The following EPHA2 variants were observed in gnomAD, a reference collection of about 807,000 sequenced individuals.
The protein encoded by EPHA2 is EPH receptor A2.
EPHA2 carries 54 observed loss-of-function variants against 104.9 expected under a neutral mutation model. That is an observed-to-expected ratio of 0.51 (90% CI 0.41 to 0.65). EPHA2 has a LOEUF of 0.65. EPHA2 is among the 30% of genes least tolerant of loss of function. The pLI, the probability that EPHA2 is intolerant of heterozygous loss-of-function variation, is 0.00. For synonymous variants in EPHA2, 560 were observed against 559.1 expected (o/e 1.00, Z -0.02); for missense variants, 1,117 against 1,369.5 (o/e 0.82, Z 2.91).
Position 16,150,897 on chromosome 1 carries a change from C to G in EPHA2, c.152G>C (p.Gly51Ala). Residue 51 changes from glycine to alanine, a missense_variant and splice_region_variant, in exon 2 of 17, where the codon GGG becomes GCG. By Grantham distance (60) the Gly-to-Ala change is moderately conservative (BLOSUM62 0). Around this residue, in one of 3 missense-constraint regions of EPHA2, gnomAD observed 664 missense variants for 784.8 expected, o/e 0.85. Transcript: ENST00000358432. This position sits in a 1 kb window ranked among gnomAD's most constrained non-coding sequence, Gnocchi z 4.8. ...LGWLTHPYGKGWDLMQNIMND... is the reference protein window; with the variant it reads ...LGWLTHPYGKAWDLMQNIMND... ...TCCCCACCCCGAAGGCTTACATACC[C>G]CTTTGCCATACGGGTGTGTGAGCCA... 1 of 1,614,146 alleles carries G rather than the reference C, an allele frequency of 6.2e-7. No individual in the cohort carries two copies.
intron 3 of EPHA2, among the ~76,000 whole-genome samples, chr1:16,141,394 G>A (rs2024822055): frequency 1.3e-5 from 2 of 152,222 alleles, no homozygotes; most frequent in South Asian, 4.1e-4. Context: ...ATATCTGCAT[G>A]ATACAAAAAT....
Position 16,125,089 on chromosome 1 carries a change from A to T in EPHA2, c.*126T>A. ...GGTGTCATCCGAGACCCCTCAGCGG[A>T]AGTTGCAGGGGGAGGAAAGAACTAG... On this transcript the variant is annotated 3_prime_UTR_variant, in exon 17 of 17. Transcript: ENST00000358432. This position sits in a 1 kb window ranked among gnomAD's most constrained non-coding sequence, Gnocchi z 4.9. The T allele has an allele frequency of 1.1e-6, 1 of 874,250 alleles. No individual in the cohort carries two copies. Among genetic ancestry groups the T allele is most frequent in the Non-Finnish European group, 1.9e-6 (1 of 533,138 alleles). The allele number at this position is 874,250 out of a possible 1,614,324, so 54.2% of individuals were successfully genotyped here.
chr1:16,126,284 G>A (rs1306567625), intron 16 of EPHA2, among the ~76,000 whole-genome samples: 1 of 152,182 alleles, frequency 6.6e-6, no homozygotes, highest in Non-Finnish European at 1.5e-5. Flanking sequence ...CTCACTTTGG[G>A]AGTTTTCTCC....
chr1:16,137,792 T>C, intron 5 of EPHA2, 61 bp downstream of exon 5: 1 of 1,601,934 alleles, frequency 6.2e-7, no homozygotes, highest in Middle Eastern at 1.7e-4. Flanking sequence ...CAGATGGCCG[T>C]CCTCCTTAAG....
chr1:16,139,169 C>T (rs966879569), intron 3 of EPHA2, among the ~76,000 whole-genome samples: 1 of 152,100 alleles, frequency 6.6e-6, no homozygotes, highest in Non-Finnish European at 1.5e-5. Flanking sequence ...AGGCACCTGA[C>T]TCCGGGGGCT....
chr1:16,133,414 T>C (rs374594757), intron 10 of EPHA2, 46 bp from the exon 11 acceptor site: 33 of 1,613,830 alleles, frequency 2.0e-5, no homozygotes, highest in Admixed American at 8.3e-5. Flanking sequence ...AGCCCCGGCA[T>C]GAGGGCTCCC....
chr1:16,136,300 C>T (rs942154257), intron 5 of EPHA2, among the ~76,000 whole-genome samples: 1 of 72,848 alleles, frequency 1.4e-5, no homozygotes. Context: ...TTTACGAGTG[C>T]ATAAATAATA....
chr1:16,155,587 G>C, intron 1 of EPHA2: 1 of 387,240 alleles, frequency 2.6e-6, no homozygotes, highest in Non-Finnish European at 4.6e-6. Flanking sequence ...GACTGCAACC[G>C]CGTGGCCTGC....
intron 3 of EPHA2, among the ~76,000 whole-genome samples, chr1:16,147,339 C>T (rs2024952138): frequency 6.6e-6 from 1 of 152,100 alleles, no homozygotes; most frequent in African/African-American, 2.4e-5. Context: ...GACCCTTGGC[C>T]CCCCTCCAAC....
In EPHA2 at chr1:16,148,763, C is replaced by A. The variant is rs371542055; in HGVS notation, c.438G>T (p.Ala146=). The A allele has an allele frequency of 3.1e-6, 5 of 1,613,922 alleles. No homozygotes were observed. Among genetic ancestry groups the A allele is most frequent in the African/African-American group, 2.7e-5 (2 of 74,938 alleles). ...CGCTGCTGACGGTGATCTCATCGGG[C>A]GCAATGGTGTCAATCTTGGTGAACA... ...KRLFTKIDTI[A]PDEITVSSDF... Residue 146 remains alanine, a synonymous_variant, in exon 3 of 17, where the codon GCG becomes GCT. Coordinates refer to ENST00000358432, the MANE Select transcript of EPHA2 (RefSeq NM_004431.5). The surrounding 1 kb of genome is among the most constrained non-coding windows in gnomAD (Gnocchi z 4.9).
At position 16,155,009 on chromosome 1, in the gene EPHA2, G is replaced by A. The variant is rs902901570; in HGVS notation, c.85+839C>T. On this transcript the variant is annotated intron_variant, in intron 1 of 16. Transcript: ENST00000358432. ...CCACCACGCACCCGCTGCGCCATGA[G>A]CAAAGTCTGCGGCCCCTCACTCGGC... 9.9e-5 allele frequency among the ~76,000 whole-genome samples: 15 copies of A among 152,196 alleles called. 1 individual carries two copies. The highest frequency in any genetic ancestry group is 2.1e-4 in the South Asian group (1 of 4,820).
rs750100556 is a variant in EPHA2 at position 16,131,750 on chromosome 1, G to A, written c.2446C>T (p.Arg816Trp). 1.7e-5 allele frequency: 27 copies of A among 1,613,960 alleles called. No individual in the cohort carries two copies. The highest frequency in any genetic ancestry group is 3.3e-5 in the Admixed American group (2 of 60,010). ...TGGTTGGACAACTCCCAGTAGGGCC[G>A]CTCGCCATAGGTCATCACCTCCCAC... The part of the protein sequence containing the change: ...VMWEVMTYGE[R>W]PYWELSNHEV... The change falls in exon 14 of 17, where the codon CGG becomes TGG. Residue 816 changes from arginine to tryptophan, a missense_variant. Physicochemically the swap from Arg to Trp is moderately radical, Grantham distance 101. Coordinates refer to ENST00000358432, the MANE Select transcript of EPHA2 (RefSeq NM_004431.5). This position sits in a 1 kb window ranked among gnomAD's most constrained non-coding sequence, Gnocchi z 5.2.
chr1:16,129,031 T>G (rs551693919), intron 16 of EPHA2, among the ~76,000 whole-genome samples: 2 of 151,940 alleles, frequency 1.3e-5, no homozygotes, highest in African/African-American at 4.8e-5. Flanking sequence ...CCCTCATGGC[T>G]GTGGGACCCT....
chr1:16,127,930 T>C (rs1196746987), intron 16 of EPHA2, among the ~76,000 whole-genome samples: 1 of 152,158 alleles, frequency 6.6e-6, no homozygotes, highest in East Asian at 1.9e-4. Flanking sequence ...GAACATGTGT[T>C]TCCCATAAGC....
chr1:16,138,619 G>A (rs1226200158), intron 3 of EPHA2, among the ~76,000 whole-genome samples, 189 bp from the exon 4 acceptor site: 2 of 152,166 alleles, frequency 1.3e-5, no homozygotes, highest in Non-Finnish European at 2.9e-5. Flanking sequence ...AGCATGTACC[G>A]GGCACCCAGG....
intron 3 of EPHA2, among the ~76,000 whole-genome samples, chr1:16,143,792 T>C (rs913043577): frequency 1.3e-5 from 2 of 152,152 alleles, no homozygotes; most frequent in African/African-American, 4.8e-5. Context: ...ATGTGGAGCT[T>C]GGACTTTGTC....
At chr1:16,137,556 C>A (rs2024736501) in intron 5 of EPHA2, among the ~76,000 whole-genome samples, 1 of 152,170 alleles carries the variant, frequency 6.6e-6, no homozygotes, top group East Asian at 1.9e-4. Context: ...CGAGATCAAG[C>A]CACTGCACTC....
At position 16,153,029 on chromosome 1, in the gene EPHA2, T is replaced by A. The variant is rs1569617366; in HGVS notation, c.86-2066A>T. ...CGCTTCTCTGGAAAGGGTGGGAGCC[T>A]GGGAGCCCCTCGGCTGACCCAGACG... is the stretch of plus-strand genomic sequence containing the variant. On this transcript the variant is annotated intron_variant, in intron 1 of 16. Coordinates refer to ENST00000358432, the MANE Select transcript of EPHA2 (RefSeq NM_004431.5). The A allele has an allele frequency of 4.1e-6, 3 of 728,670 alleles. No homozygotes were observed. In the South Asian group the frequency reaches 1.9e-4, roughly 45 times the overall value. 45.1% of individuals were successfully genotyped at this position (728,670 alleles called of 1,614,324 possible).
chr1:16,154,936 G>C (rs973439075), intron 1 of EPHA2, among the ~76,000 whole-genome samples: 1 of 152,046 alleles, frequency 6.6e-6, no homozygotes, highest in African/African-American at 2.4e-5. Context: ...CTTCGGCCAG[G>C]GCAGGAGCCC....
Sources: gnomAD v4.1 joint callset for allele counts (sites outside exome capture counted in the v4.1 genomes callset) on GRCh38, gnomAD v4.1.1 for gene constraint, gnomAD v4.1.1 regional missense constraint, Gnocchi (gnomAD v3.1) non-coding constraint, MANE v1.5 for transcripts, NCBI Gene and HGNC (gene_info 2026-07-23, HGNC 2026-07-21) for gene names.